NGEF: variants seen among roughly 807,000 people sequenced by gnomAD.
NGEF encodes the protein ephexin-1.
A neutral mutation model predicts 80.9 loss-of-function variants in NGEF; 31 were observed. The ratio of observed to expected loss-of-function variants is 0.38; its 90% CI spans 0.29 to 0.52. The LOEUF (loss-of-function observed/expected upper bound fraction) is 0.52. Among genes scored for constraint, NGEF ranks in the 20% least tolerant of loss-of-function variants. NGEF has a pLI of 0.84. For missense variants in NGEF, 709 were observed against 926.2 expected (o/e 0.77, Z 3.04); for synonymous variants, 371 against 370.2 (o/e 1.00, Z -0.03).
intron 1 of NGEF, among the ~76,000 whole-genome samples, chr2:232,979,357 TAC>T (rs375393249): frequency 0.013 from 1,381 of 110,346 alleles, 11 homozygotes; most frequent in Middle Eastern, 0.02. Flanking sequence ...GAGATGATTT[TAC>T]ACACACACAC....
intron 3 of NGEF, among the ~76,000 whole-genome samples, chr2:232,933,063 C>T (rs537027524): frequency 6.6e-5 from 10 of 151,664 alleles, no homozygotes; most frequent in East Asian, 1.9e-4. Flanking sequence ...AAGCTGAGGT[C>T]GTGCCATTGC....
At chr2:232,942,303 C>G (rs991906723) in intron 3 of NGEF, among the ~76,000 whole-genome samples, 1 of 152,218 alleles carries the variant, frequency 6.6e-6, no homozygotes, top group East Asian at 1.9e-4. Flanking sequence ...GAGACAGGAC[C>G]TGGCCTGAGT....
chr2:232,979,053 T>C (rs1274078748), intron 1 of NGEF, among the ~76,000 whole-genome samples: 1 of 152,142 alleles, frequency 6.6e-6, no homozygotes, highest in Admixed American at 6.5e-5. Flanking sequence ...CCACACCATA[T>C]ACCACCAAGG....
At chr2:232,928,361 G>GGA (rs1693138157) in intron 3 of NGEF, among the ~76,000 whole-genome samples, 1 of 151,382 alleles carries the variant, frequency 6.6e-6, no homozygotes, top group South Asian at 2.1e-4. Context: ...GCCCCGACCC[G>GGA]GAGAGGGGCA....
At chr2:232,920,191 G>C in intron 5 of NGEF, 93 bp downstream of exon 5, 4 of 1,259,906 alleles carry the variant, frequency 3.2e-6, no homozygotes, top group Non-Finnish European at 4.4e-6. Context: ...GAACCAGCCA[G>C]GGAACCTCAC....
intron 8 of NGEF, 63 bp from the exon 9 acceptor site, chr2:232,888,170 C>T (rs1053913710): frequency 7.7e-7 from 1 of 1,302,006 alleles, no homozygotes; most frequent in Non-Finnish European, 1.1e-6. Context: ...CATTTCCCAC[C>T]TTGACCGTGA....
At chr2:232,994,677 A>T (rs1241831257) in intron 1 of NGEF, among the ~76,000 whole-genome samples, 4 of 152,110 alleles carry the variant, frequency 2.6e-5, no homozygotes, top group African/African-American at 9.7e-5. Flanking sequence ...TGCATTGGGC[A>T]TGTGGGTTCC....
At chr2:232,938,446 T>A (rs778349) in intron 3 of NGEF, among the ~76,000 whole-genome samples, 1 of 151,958 alleles carries the variant, frequency 6.6e-6, no homozygotes, top group Non-Finnish European at 1.5e-5. Flanking sequence ...CTATGGAAAA[T>A]GAGGGACATC....
chr2:232,916,659 A>G (rs1395706674), intron 5 of NGEF, among the ~76,000 whole-genome samples: 2 of 152,188 alleles, frequency 1.3e-5, no homozygotes, highest in Non-Finnish European at 2.9e-5. Flanking sequence ...GACAAGATAC[A>G]ATGTTTCACC....
chr2:232,913,673 C>T (rs758544029), intron 5 of NGEF, among the ~76,000 whole-genome samples: 1 of 152,112 alleles, frequency 6.6e-6, no homozygotes, highest in Non-Finnish European at 1.5e-5. Flanking sequence ...GTAATCCCAG[C>T]ACTTTGGGAG....
chr2:232,915,985 C>A (rs1559207254), intron 5 of NGEF, among the ~76,000 whole-genome samples: 1 of 152,218 alleles, frequency 6.6e-6, no homozygotes, highest in East Asian at 1.9e-4. Flanking sequence ...GCCTCTGTGC[C>A]CTGCCTTCTG....
At position 232,969,393 on chromosome 2, in the gene NGEF, A is replaced by G. The variant is rs567617939; in HGVS notation, c.383+821T>C. Among the ~76,000 whole-genome samples, 8 of 151,466 alleles carry G rather than the reference A, an allele frequency of 5.3e-5. No homozygotes were observed. In the East Asian group the frequency reaches 1.6e-3, roughly 30 times the overall value. On this transcript the variant is annotated intron_variant, in intron 3 of 14. Transcript: ENST00000264051. ...CCAAAGAGCTGGGATTACAGGCACAAGCTGCTCTGCCTGGCCAAGATACAG... is the reference window on the plus strand; with the variant it reads ...CCAAAGAGCTGGGATTACAGGCACAGGCTGCTCTGCCTGGCCAAGATACAG...
At position 232,879,438 on chromosome 2, in the gene NGEF, T is replaced by A. The variant is rs758276539; in HGVS notation, c.*51A>T. Reference sequence around the variant, plus strand: ...TCCCAGAGCCCCCCCCCCCCCACCTTCTGTCGGGGTCTCATGCAGGCCCTG... The same window carrying A: ...TCCCAGAGCCCCCCCCCCCCCACCTACTGTCGGGGTCTCATGCAGGCCCTG... On this transcript the variant is annotated 3_prime_UTR_variant, in exon 15 of 15. Coordinates refer to ENST00000264051, the MANE Select transcript of NGEF (RefSeq NM_019850.3). 1.8e-6 allele frequency: 2 copies of A among 1,113,764 alleles called. No homozygotes were observed. The highest frequency in any genetic ancestry group is 2.7e-5 in the East Asian group (1 of 36,928). The allele number at this position is 1,113,764 out of a possible 1,614,324, so 69.0% of individuals were successfully genotyped here. A position where few individuals can be genotyped will look rare whatever the true frequency, so the allele number is the denominator to read the frequency against.
intron 3 of NGEF, among the ~76,000 whole-genome samples, chr2:232,930,326 C>T (rs74788685): frequency 1.2e-4 from 17 of 144,460 alleles, no homozygotes; most frequent in South Asian, 2.2e-4. Context: ...CTCTCTCTCT[C>T]TTTTTTTTTT....
chr2:232,971,873 A>G (rs1694192623), intron 2 of NGEF, among the ~76,000 whole-genome samples: 1 of 152,046 alleles, frequency 6.6e-6, no homozygotes, highest in African/African-American at 2.4e-5. Context: ...TCCCAGACAC[A>G]GCCCTACACC....
intron 1 of NGEF, among the ~76,000 whole-genome samples, chr2:232,989,108 G>A (rs1018624851): frequency 6.6e-6 from 1 of 152,070 alleles, no homozygotes; most frequent in Non-Finnish European, 1.5e-5. Flanking sequence ...AGTAGGGCTG[G>A]GAGGAAGAAT....
chr2:232,904,800 G>A (rs1692451571), intron 5 of NGEF, among the ~76,000 whole-genome samples: 2 of 152,080 alleles, frequency 1.3e-5, no homozygotes, highest in African/African-American at 4.8e-5. Context: ...TTAAAGATTA[G>A]CCTGGAGTGG....
intron 5 of NGEF, among the ~76,000 whole-genome samples, chr2:232,907,188 G>GAAAAAAAAA (rs10654316): frequency 1.1e-4 from 12 of 113,156 alleles, no homozygotes; most frequent in Non-Finnish European, 1.9e-4. Flanking sequence ...AGAAAAAAAA[G>GAAAAAAAAA]AAAAAAAAAA....
At position 232,920,517 on chromosome 2, in the gene NGEF, C is replaced by T. The variant is rs1158710674; in HGVS notation, c.595G>A (p.Ala199Thr). The T allele has an allele frequency of 1.9e-6, 3 of 1,582,124 alleles. No individual in the cohort carries two copies. The highest frequency in any genetic ancestry group is 2.6e-6 in the Non-Finnish European group (3 of 1,160,690). Residue 199 changes from alanine (A) to threonine (T), a missense_variant, in exon 5 of 15, where the codon GCA becomes ACA. Ala to Thr is a moderately conservative substitution (Grantham distance 58, BLOSUM62 0). This residue lies in a region of NGEF where 283 missense variants were observed against 303.4 expected (regional missense o/e 0.93). Coordinates refer to ENST00000264051, the MANE Select transcript of NGEF (RefSeq NM_019850.3). ...QEIETRRQQD[A>T]EIEDNTNGSP... ...CCATTGGTATTGTCTTCTATTTCTGCATCCTGTTGCCTCCTGGTTTCGATT... is the reference window on the plus strand; with the variant it reads ...CCATTGGTATTGTCTTCTATTTCTGTATCCTGTTGCCTCCTGGTTTCGATT...
Sources: gnomAD v4.1 joint callset for allele counts (sites outside exome capture counted in the v4.1 genomes callset) on GRCh38, gnomAD v4.1.1 for gene constraint, gnomAD v4.1.1 regional missense constraint, MANE v1.5 for transcripts, NCBI Gene and HGNC (gene_info 2026-07-23, HGNC 2026-07-21) for gene names.